The following TENM2 variants were observed in gnomAD, a reference collection of about 807,000 sequenced individuals.
TENM2 encodes teneurin transmembrane protein 2.
TENM2 carries 52 observed loss-of-function variants against 245.2 expected under a neutral mutation model. The ratio of observed to expected loss-of-function variants is 0.21; its 90% CI spans 0.17 to 0.27. TENM2 has a LOEUF of 0.27. Among genes scored for constraint, TENM2 ranks in the 10% least tolerant of loss-of-function variants. TENM2 has a pLI of 1.00. For synonymous variants in TENM2, 1,363 were observed against 1,438.9 expected, an observed-to-expected ratio of 0.95 and a Z score of 1.19; for missense variants, 3,046 against 3,666.8, an observed-to-expected ratio of 0.83 and a Z score of 4.37.
chr5:168,110,537 G>A (rs545641943), intron 9 of TENM2, among the ~76,000 whole-genome samples: 5 of 152,246 alleles, frequency 3.3e-5, no homozygotes, highest in East Asian at 3.9e-4. Context: ...TCTAACTCCC[G>A]TAAGCCTACA....
intron 2 of TENM2, among the ~76,000 whole-genome samples, chr5:167,617,827 T>C (rs1384359274): frequency 6.6e-6 from 1 of 152,202 alleles, no homozygotes; most frequent in East Asian, 1.9e-4. Flanking sequence ...CAATGCTTGC[T>C]ACACAGTAAA....
intron 7 of TENM2, among the ~76,000 whole-genome samples, chr5:168,073,763 G>C (rs910416084): frequency 2.0e-5 from 3 of 152,186 alleles, no homozygotes; most frequent in Non-Finnish European, 4.4e-5. Context: ...GTTTCTAACT[G>C]TTTCCCCTGT....
At chr5:167,750,103 T>C (rs1486477079) in intron 2 of TENM2, among the ~76,000 whole-genome samples, 1 of 152,120 alleles carries the variant, frequency 6.6e-6, no homozygotes, top group Non-Finnish European at 1.5e-5. Context: ...GGAATGTTAA[T>C]GGCCCACCTC....
chr5:168,226,060 G>T, intron 23 of TENM2, 28 bp from the exon 26 acceptor site: 3 of 1,601,020 alleles, frequency 1.9e-6, no homozygotes, highest in Non-Finnish European at 2.6e-6. Flanking sequence ...GCTAACCAGG[G>T]TTTATCTATC....
At chr5:167,890,662 A>G (rs944433139) in intron 3 of TENM2, among the ~76,000 whole-genome samples, 3 of 152,184 alleles carry the variant, frequency 2.0e-5, no homozygotes, top group South Asian at 2.1e-4. Flanking sequence ...ACTAGAGTCC[A>G]GTAGAGACTG....
intron 14 of TENM2, among the ~76,000 whole-genome samples, chr5:168,194,067 G>A (rs1022191855): frequency 6.6e-6 from 1 of 152,190 alleles, no homozygotes; most frequent in African/African-American, 2.4e-5. Flanking sequence ...ACCCAGGAAT[G>A]CAAAAGTAAG....
chr5:167,745,092 T>G (rs1582895602), intron 2 of TENM2, among the ~76,000 whole-genome samples: 2 of 152,216 alleles, frequency 1.3e-5, no homozygotes, highest in South Asian at 4.1e-4. Context: ...GCACGTCATA[T>G]GAATTCTTCT....
At chr5:167,442,891 C>T (rs1764950588) in intron 2 of TENM2, among the ~76,000 whole-genome samples, 1 of 152,136 alleles carries the variant, frequency 6.6e-6, no homozygotes, top group African/African-American at 2.4e-5. Flanking sequence ...TTGAATTTAT[C>T]ATGGGTCAGT....
At chr5:167,422,542 G>A (rs1042830824) in intron 2 of TENM2, among the ~76,000 whole-genome samples, 1 of 152,142 alleles carries the variant, frequency 6.6e-6, no homozygotes, top group Non-Finnish European at 1.5e-5. Context: ...CAGCCTCTCT[G>A]TCCACATTGG....
At chr5:167,318,837 G>C (rs1394671648) in intron 1 of TENM2, among the ~76,000 whole-genome samples, 1 of 152,172 alleles carries the variant, frequency 6.6e-6, no homozygotes, top group African/African-American at 2.4e-5. Context: ...CTGTGCATGT[G>C]AGACTTATTT....
chr5:167,890,773 G>A (rs907358167), intron 3 of TENM2, among the ~76,000 whole-genome samples: 1 of 151,994 alleles, frequency 6.6e-6, no homozygotes, highest in Non-Finnish European at 1.5e-5. Context: ...TAGCTTGTTG[G>A]CATCAATGAT....
the TENM2 span, among the ~76,000 whole-genome samples, chr5:167,153,158 A>C: frequency 6.6e-6 from 1 of 151,936 alleles, no homozygotes; most frequent in Admixed American, 6.6e-5. Flanking sequence ...TGCAGGGGTT[A>C]GGAGCACTGA....
intron 2 of TENM2, among the ~76,000 whole-genome samples, chr5:167,673,682 T>A (rs945270850): frequency 2.6e-5 from 4 of 151,718 alleles, no homozygotes; most frequent in Admixed American, 1.3e-4. Context: ...GAAAAGGGGG[T>A]CAAGTTTAGA....
intron 11 of TENM2, among the ~76,000 whole-genome samples, chr5:168,125,614 C>T: frequency 6.6e-6 from 1 of 152,280 alleles, no homozygotes; most frequent in African/African-American, 2.4e-5. Context: ...TGACAAGTCC[C>T]TATCCAAGCA....
the TENM2 span, among the ~76,000 whole-genome samples, chr5:167,007,630 C>T: frequency 1.4e-4 from 22 of 152,312 alleles, no homozygotes; most frequent in East Asian, 5.8e-4. This position sits in a 1 kb window ranked among gnomAD's most constrained non-coding sequence, Gnocchi z 4.2. Flanking sequence ...TAAAGCTTCT[C>T]CCCTAGCCTC....
At chr5:167,071,887 C>CCG in the TENM2 span, among the ~76,000 whole-genome samples, 1 of 145,400 alleles carries the variant, frequency 6.9e-6, no homozygotes, top group Non-Finnish European at 1.5e-5. Flanking sequence ...CGCCCCCCCC[C>CCG]GCCCCCAACC....
chr5:167,612,574 G>A (rs927380084), intron 2 of TENM2, among the ~76,000 whole-genome samples: 10 of 152,014 alleles, frequency 6.6e-5, no homozygotes, highest in Non-Finnish European at 1.3e-4. Flanking sequence ...AACTTTAAAA[G>A]GTTGTAAATG....
intron 2 of TENM2, among the ~76,000 whole-genome samples, chr5:167,806,094 A>T (rs1199648271): frequency 6.6e-6 from 1 of 152,170 alleles, no homozygotes; most frequent in Non-Finnish European, 1.5e-5. Flanking sequence ...ACCGGATGCC[A>T]CGGTAGGCTG....
the TENM2 span, among the ~76,000 whole-genome samples, chr5:167,088,865 T>G: frequency 6.6e-6 from 1 of 152,172 alleles, no homozygotes; most frequent in African/African-American, 2.4e-5. Flanking sequence ...AAAGTGAGAC[T>G]TGGAAAAGTC....
Sources: gnomAD v4.1 joint callset for allele counts (sites outside exome capture counted in the v4.1 genomes callset) on GRCh38, gnomAD v4.1.1 for gene constraint, Gnocchi (gnomAD v3.1) non-coding constraint, MANE v1.5 for transcripts, NCBI Gene and HGNC (gene_info 2026-07-23, HGNC 2026-07-21) for gene names.